Variants in STK32B observed in about 807,000 individuals in gnomAD.
STK32B encodes serine/threonine-protein kinase 32B.
In STK32B, 43 loss-of-function variants were observed where a neutral mutation model predicts 52.6. The ratio of observed to expected loss-of-function variants is 0.82; its 90% CI spans 0.64 to 1.05. STK32B has a LOEUF of 1.05. STK32B is among the 50% of genes least tolerant of loss of function. STK32B has a pLI of 0.00. For missense variants in STK32B, 621 were observed against 534.6 expected (o/e 1.16, Z -1.59); for synonymous variants, 238 against 204.3 (o/e 1.17, Z -1.41).
At chr4:5,410,653 C>T (rs144654450) in intron 5 of STK32B, among the ~76,000 whole-genome samples, 122 of 152,294 alleles carry the variant, frequency 8.0e-4, no homozygotes, top group African/African-American at 2.7e-3. Flanking sequence ...CTTTGATAAA[C>T]ACCACGTGGG....
chr4:5,131,194 C>G (rs1322270949), intron 1 of STK32B, among the ~76,000 whole-genome samples: 1 of 152,200 alleles, frequency 6.6e-6, no homozygotes, highest in African/African-American at 2.4e-5. Context: ...TTCACTGCTT[C>G]CCACGTGTGC....
chr4:5,052,492 T>C (rs1415031951), intron 1 of STK32B, among the ~76,000 whole-genome samples: 3 of 152,094 alleles, frequency 2.0e-5, no homozygotes, highest in Non-Finnish European at 1.5e-5. Flanking sequence ...GCAGAAGTGG[T>C]GTAGGCTGTC....
intron 4 of STK32B, among the ~76,000 whole-genome samples, chr4:5,339,086 T>C (rs1435248785): frequency 6.6e-6 from 1 of 152,196 alleles, no homozygotes; most frequent in African/African-American, 2.4e-5. Flanking sequence ...CATCTTCTCC[T>C]GTCCTCAGTC....
chr4:5,328,898 C>T (rs771157038), intron 3 of STK32B, among the ~76,000 whole-genome samples: 4 of 152,128 alleles, frequency 2.6e-5, no homozygotes, highest in Non-Finnish European at 5.9e-5. Context: ...TTATACTGGC[C>T]CTGAAACAGA....
At chr4:5,297,945 A>C (rs527451813) in intron 3 of STK32B, among the ~76,000 whole-genome samples, 31 of 152,028 alleles carry the variant, frequency 2.0e-4, no homozygotes, top group African/African-American at 7.3e-4. Flanking sequence ...TTTGATGCTG[A>C]TGACATTTGG....
At chr4:5,202,668 A>G (rs1032365150) in intron 3 of STK32B, among the ~76,000 whole-genome samples, 1 of 152,010 alleles carries the variant, frequency 6.6e-6, no homozygotes, top group African/African-American at 2.4e-5. Flanking sequence ...CCAAATCTCA[A>G]CTCTTATCTT....
chr4:5,157,279 T>C (rs1476621130), intron 2 of STK32B, among the ~76,000 whole-genome samples: 2 of 142,982 alleles, frequency 1.4e-5, no homozygotes, highest in East Asian at 4.1e-4. Context: ...CTGGTCTTAC[T>C]CTAGCTACCT....
intron 11 of STK32B, among the ~76,000 whole-genome samples, chr4:5,492,293 A>T (rs1419296318): frequency 6.6e-6 from 1 of 152,104 alleles, no homozygotes; most frequent in East Asian, 1.9e-4. Context: ...GAGGTCCTTC[A>T]CATCCCTTGT....
At chr4:5,042,831 G>A in the STK32B span, among the ~76,000 whole-genome samples, 1 of 152,156 alleles carries the variant, frequency 6.6e-6, no homozygotes, top group Non-Finnish European at 1.5e-5. Flanking sequence ...CAGGGGCCGG[G>A]CGCGGTGGCT....
chr4:5,100,266 A>G (rs1007166974), intron 1 of STK32B, among the ~76,000 whole-genome samples: 2 of 152,120 alleles, frequency 1.3e-5, no homozygotes, highest in Non-Finnish European at 2.9e-5. Flanking sequence ...GCCACTGGCT[A>G]GAGAGGCTGC....
intron 3 of STK32B, among the ~76,000 whole-genome samples, chr4:5,322,733 A>G (rs1275236700): frequency 6.6e-6 from 1 of 152,146 alleles, no homozygotes; most frequent in Admixed American, 6.5e-5. Context: ...AGGTTTGTGG[A>G]TGCTACACTG....
intron 1 of STK32B, among the ~76,000 whole-genome samples, chr4:5,088,764 T>TA (rs1204837187): frequency 3.4e-4 from 52 of 151,452 alleles, no homozygotes; most frequent in Admixed American, 8.6e-4. Flanking sequence ...AATTAAAAGT[T>TA]ATAAAAAACC....
chr4:5,426,428 G>T (rs1713095962), intron 6 of STK32B, among the ~76,000 whole-genome samples: 2 of 152,022 alleles, frequency 1.3e-5, no homozygotes, highest in South Asian at 4.2e-4. Flanking sequence ...ATTTTGGCCG[G>T]GTGTGGTGGC....
intron 7 of STK32B, among the ~76,000 whole-genome samples, chr4:5,449,547 C>T (rs1400150754): frequency 6.6e-6 from 1 of 152,206 alleles, no homozygotes; most frequent in Non-Finnish European, 1.5e-5. Context: ...TTTGAGACCA[C>T]AGTGCAGACC....
intron 4 of STK32B, among the ~76,000 whole-genome samples, chr4:5,349,125 C>T (rs1046378852): frequency 6.6e-6 from 1 of 152,130 alleles, no homozygotes; most frequent in Non-Finnish European, 1.5e-5. Flanking sequence ...AACTTCCTGG[C>T]CCACTACTGC....
chr4:5,173,591 A>G (rs1003797287), intron 3 of STK32B, among the ~76,000 whole-genome samples: 1 of 152,144 alleles, frequency 6.6e-6, no homozygotes, highest in Non-Finnish European at 1.5e-5. Flanking sequence ...CAGGTTGTTA[A>G]GTTTCCATGT....
chr4:5,259,167 T>C (rs1726537981), intron 3 of STK32B, among the ~76,000 whole-genome samples: 1 of 152,226 alleles, frequency 6.6e-6, no homozygotes, highest in Non-Finnish European at 1.5e-5. Context: ...ACACCTCCTC[T>C]ATTTTTTTCT....
Position 5,316,274 on chromosome 4 carries a change from T to C in STK32B, c.261-14946T>C, listed in dbSNP as rs1383675405. On this transcript the variant is annotated intron_variant, in intron 3 of 11. Transcript: ENST00000282908. ...TATATAATATATTATATAGTATATA[T>C]AATATATTATATACAATATTATATA... Among the ~76,000 whole-genome samples, 16 of 69,948 alleles carry C rather than the reference T, an allele frequency of 2.3e-4. 3 individuals carry two copies. Among genetic ancestry groups the C allele is most frequent in the African/African-American group, 1.4e-3 (15 of 10,524 alleles). 45.9% of individuals were successfully genotyped at this position (69,948 alleles called of 152,430 possible).
In STK32B at chr4:5,467,256, G is replaced by A. The variant is rs568023196; in HGVS notation, c.1041+422G>A. ...AAACAACCCACATTGATTCTCTCAC[G>A]GTTCTGGAGGCCAGAAATCCAAACT... On this transcript the variant is annotated intron_variant, in intron 10 of 11. Transcript: ENST00000282908. This position sits in a 1 kb window ranked among gnomAD's most constrained non-coding sequence, Gnocchi z 5.8. 1.2e-3 allele frequency among the ~76,000 whole-genome samples: 190 copies of A among 152,274 alleles called. No individual in the cohort carries two copies. The highest frequency in any genetic ancestry group is 4.5e-3 in the African/African-American group (185 of 41,540).
Sources: allele counts gnomAD v4.1 joint callset (sites outside exome capture counted in the v4.1 genomes callset), GRCh38; gene constraint gnomAD v4.1.1; non-coding constraint Gnocchi (gnomAD v3.1); transcripts MANE v1.5; gene names NCBI Gene and HGNC (gene_info 2026-07-23, HGNC 2026-07-21).